PON2: variants seen among roughly 807,000 people sequenced by gnomAD.
PON2 encodes the protein paraoxonase 2.
Under a neutral mutation model 36.6 loss-of-function variants are expected in PON2, and 27 were observed. The ratio of observed to expected loss-of-function variants is 0.74; its 90% CI spans 0.54 to 1.02. The LOEUF (loss-of-function observed/expected upper bound fraction) is 1.02, where lower values mean the gene tolerates loss of function less well. Among genes scored for constraint, PON2 ranks in the 50% least tolerant of loss-of-function variants. The pLI, the probability that PON2 is intolerant of heterozygous loss-of-function variation, is 0.00. For missense variants in PON2, 363 were observed against 421.1 expected (o/e 0.86, Z 1.21); for synonymous variants, 149 against 156.3 (o/e 0.95, Z 0.35).
intron 2 of PON2, among the ~76,000 whole-genome samples, chr7:95,423,827 C>T (rs888795387): frequency 1.3e-5 from 2 of 152,096 alleles, no homozygotes; most frequent in Non-Finnish European, 2.9e-5. Context: ...AGGAAACTTA[C>T]AATCTTGGTG....
At chr7:95,419,701 GA>G (rs149747685) in intron 2 of PON2, among the ~76,000 whole-genome samples, 1 of 151,226 alleles carries the variant, frequency 6.6e-6, no homozygotes, top group Admixed American at 6.6e-5. Flanking sequence ...CTACTGGGTA[GA>G]AAAAAAAATC....
At position 95,411,675 on chromosome 7, in the gene PON2, C is replaced by T. The variant is rs770216939; in HGVS notation, c.472G>A (p.Val158Ile). The change falls in exon 5 of 9, where the codon GTC (valine) becomes ATC (isoleucine). Residue 158 changes from valine (V) to isoleucine (I), a missense_variant. Physicochemically the swap from Val to Ile is conservative, Grantham distance 29. Coordinates refer to ENST00000222572, the MANE Select transcript of PON2 (RefSeq NM_000305.3). Reference protein sequence around the residue: ...AENSLLHLKTVKHELLPSVND... With the variant: ...AENSLLHLKTIKHELLPSVND... ...TACCTTGGAAGAAGCTCATGTTTGA[C>T]TGTTTTCAGATGCAACAGAGAATTT... 1.2e-6 allele frequency: 2 copies of T among 1,613,908 alleles called. No homozygotes were observed. The highest frequency in any genetic ancestry group is 1.1e-5 in the South Asian group (1 of 91,064).
At chr7:95,421,774 A>C (rs1221787585) in intron 2 of PON2, among the ~76,000 whole-genome samples, 1 of 152,210 alleles carries the variant, frequency 6.6e-6, no homozygotes, top group East Asian at 1.9e-4. Flanking sequence ...TGCCTAAGGA[A>C]TGAGAGGCAG....
At chr7:95,423,842 G>A (rs1341526591) in intron 2 of PON2, among the ~76,000 whole-genome samples, 1 of 152,038 alleles carries the variant, frequency 6.6e-6, no homozygotes, top group East Asian at 1.9e-4. Flanking sequence ...TTGGTGGAAG[G>A]GGAAGAAAAC....
chr7:95,423,729 C>A (rs755437841), intron 2 of PON2, among the ~76,000 whole-genome samples: 7 of 152,110 alleles, frequency 4.6e-5, no homozygotes, highest in Non-Finnish European at 1.0e-4. Context: ...CGTTCTCAGG[C>A]TGCTAATAAA....
chr7:95,421,109 G>C (rs1339127744), intron 2 of PON2, among the ~76,000 whole-genome samples: 1 of 152,310 alleles, frequency 6.6e-6, no homozygotes, highest in Admixed American at 6.5e-5. Flanking sequence ...CACTTCACAA[G>C]AGGGGCCATA....
In PON2 at chr7:95,429,130, C is replaced by A. The variant is rs184543801; in HGVS notation, c.75-4545G>T. On this transcript the variant is annotated intron_variant, in intron 1 of 8. Coordinates refer to ENST00000222572, the MANE Select transcript of PON2 (RefSeq NM_000305.3). ...ACATGTGCCATGTTGGTCTGCTGCACCCATTAACTCGTCATTTACATTAGG... is the reference window on the plus strand; with the variant it reads ...ACATGTGCCATGTTGGTCTGCTGCAACCATTAACTCGTCATTTACATTAGG... 1.8e-4 allele frequency among the ~76,000 whole-genome samples: 27 copies of A among 151,922 alleles called. 1 individual carries two copies. The highest frequency in any genetic ancestry group is 1.6e-3 in the Admixed American group (25 of 15,258).
chr7:95,424,633 T>C, intron 1 of PON2, 48 bp from the exon 2 acceptor site: 1 of 1,447,616 alleles, frequency 6.9e-7, no homozygotes, highest in Non-Finnish European at 9.6e-7. Context: ...TTTGTTTATG[T>C]ATTCCCTGCT....
chr7:95,423,346 A>T (rs1251561916), intron 2 of PON2, among the ~76,000 whole-genome samples: 1 of 151,708 alleles, frequency 6.6e-6, no homozygotes, highest in Non-Finnish European at 1.5e-5. Flanking sequence ...AAAAAATTAA[A>T]ATTTAAAAAA....
intron 2 of PON2, among the ~76,000 whole-genome samples, chr7:95,422,702 C>T (rs940533240): frequency 1.1e-4 from 17 of 152,048 alleles, no homozygotes; most frequent in Non-Finnish European, 2.9e-5. Flanking sequence ...TCCATGTAAC[C>T]CGAGTTTTAA....
At chr7:95,414,288 G>A (rs1245453057) in intron 3 of PON2, among the ~76,000 whole-genome samples, 1 of 152,098 alleles carries the variant, frequency 6.6e-6, no homozygotes, top group Non-Finnish European at 1.5e-5. Flanking sequence ...CCACAATGTA[G>A]GACCTCTTTA....
Position 95,411,828 on chromosome 7 carries a change from C to CCTCTGGG in PON2, c.368-56_368-50dup, listed in dbSNP as rs763306815. On this transcript the variant is annotated intron_variant, in intron 4 of 8. Coordinates refer to ENST00000222572, the MANE Select transcript of PON2 (RefSeq NM_000305.3). ...TAATTTACAAGACATAACTACGGGA[C>CCTCTGGG]CTCTGGGCAGGCACTGACATTTAAA... 1.1e-5 allele frequency: 18 copies of CCTCTGGG among 1,600,522 alleles called. No individual in the cohort carries two copies. In the African/African-American group the frequency reaches 2.3e-4, roughly 20 times the overall value.
At chr7:95,430,061 G>T (rs541716140) in intron 1 of PON2, among the ~76,000 whole-genome samples, 61 of 152,230 alleles carry the variant, frequency 4.0e-4, no homozygotes, top group African/African-American at 1.4e-3. Context: ...TCTAACCTCA[G>T]TATTTACAGT....
At chr7:95,405,550 A>T in intron 8 of PON2, 62 bp from the exon 9 acceptor site, 2 of 1,498,540 alleles carry the variant, frequency 1.3e-6, no homozygotes, top group Non-Finnish European at 1.9e-6. Context: ...CTCAATCATC[A>T]ATAAGCCCTG....
intron 8 of PON2, 133 bp downstream of exon 8, chr7:95,405,986 A>T: frequency 9.4e-7 from 1 of 1,064,360 alleles, no homozygotes; most frequent in Non-Finnish European, 1.4e-6. Context: ...TAACGCAATT[A>T]CAAAACCACG....
Position 95,424,533 on chromosome 7 carries a change from G to A in PON2, c.127C>T (p.His43Tyr), listed in dbSNP as rs749512516. The change falls in exon 2 of 9, where the codon CAC (histidine) becomes TAC (tyrosine). Residue 43 changes from histidine (H) to tyrosine (Y), a missense_variant. Physicochemically the swap from His to Tyr is moderately conservative, Grantham distance 83. Transcript: ENST00000222572. ...EVESVDLPHC[H>Y]LIKGIEAGSE... is the part of the protein sequence containing the mutation. ...TACATACCAATTCCTTTAATCAGGT[G>A]GCAGTGTGGAAGGTCTACAGATTCT... 3.7e-6 allele frequency: 6 copies of A among 1,612,870 alleles called. No individual in the cohort carries two copies. The highest frequency in any genetic ancestry group is 3.4e-6 in the Non-Finnish European group (4 of 1,179,102).
intron 1 of PON2, among the ~76,000 whole-genome samples, chr7:95,432,495 C>T (rs569946667): frequency 6.6e-6 from 1 of 151,922 alleles, no homozygotes; most frequent in Non-Finnish European, 1.5e-5. Flanking sequence ...GTTTTATTTA[C>T]TTTTTCTTTT....
intron 3 of PON2, among the ~76,000 whole-genome samples, chr7:95,413,416 T>A (rs1409515333): frequency 6.6e-6 from 1 of 152,256 alleles, no homozygotes; most frequent in Non-Finnish European, 1.5e-5. Context: ...ATTTTCTTCC[T>A]GTTCTGAGCA....
chr7:95,425,153 G>A (rs1159470401), intron 1 of PON2, among the ~76,000 whole-genome samples: 1 of 152,062 alleles, frequency 6.6e-6, no homozygotes, highest in Non-Finnish European at 1.5e-5. Context: ...TATTTCAATA[G>A]CTTTTGGGGG....
Sources: gnomAD v4.1 joint callset for allele counts (sites outside exome capture counted in the v4.1 genomes callset) on GRCh38, gnomAD v4.1.1 for gene constraint, MANE v1.5 for transcripts, NCBI Gene and HGNC (gene_info 2026-07-23, HGNC 2026-07-21) for gene names.